Variants in ZPBP observed in about 807,000 individuals in gnomAD.
The protein encoded by ZPBP is zona pellucida binding protein.
In ZPBP, 26 loss-of-function variants were observed where a neutral mutation model predicts 44.8. The ratio of observed to expected loss-of-function variants is 0.58; its 90% CI spans 0.43 to 0.81. ZPBP has a LOEUF of 0.81. Among genes scored for constraint, ZPBP ranks in the 30% least tolerant of loss-of-function variants. The pLI is 0.00. For missense variants in ZPBP, 409 were observed against 434.0 expected, an observed-to-expected ratio of 0.94 and a Z score of 0.51; for synonymous variants, 174 against 153.2, an observed-to-expected ratio of 1.14 and a Z score of -1.00.
chr7:50,057,883 A>G (rs1801043956), intron 4 of ZPBP, 106 bp downstream of exon 4: 1 of 1,083,150 alleles, frequency 9.2e-7, no homozygotes, highest in Non-Finnish European at 1.3e-6. Flanking sequence ...TTTTAATTAA[A>G]TGAGACTAAA....
chr7:49,966,158 C>T (rs976123699), intron 7 of ZPBP, among the ~76,000 whole-genome samples: 1 of 152,098 alleles, frequency 6.6e-6, no homozygotes, highest in African/African-American at 2.4e-5. Context: ...GAAACAGACA[C>T]TTCCATAATT....
chr7:49,885,651 T>A (rs181033073), intron 2 of ZPBP, among the ~76,000 whole-genome samples: 3 of 152,356 alleles, frequency 2.0e-5, no homozygotes, highest in Admixed American at 1.3e-4. Context: ...ATTCTGAAAG[T>A]TCTACCTAGT....
intron 6 of ZPBP, among the ~76,000 whole-genome samples, chr7:50,017,927 C>A (rs986190622): frequency 2.6e-5 from 4 of 151,926 alleles, no homozygotes; most frequent in Non-Finnish European, 4.4e-5. Context: ...TTATGATGGA[C>A]AATGGTAACA....
At chr7:50,068,546 A>G (rs939507320) in intron 3 of ZPBP, among the ~76,000 whole-genome samples, 1 of 151,892 alleles carries the variant, frequency 6.6e-6, no homozygotes, top group Non-Finnish European at 1.5e-5. Flanking sequence ...TCCTGTCCAG[A>G]CTAGCTTTTT....
intron 1 of ZPBP, among the ~76,000 whole-genome samples, chr7:49,906,792 C>A (rs1793120871): frequency 1.3e-5 from 2 of 152,082 alleles, no homozygotes; most frequent in African/African-American, 4.8e-5. Context: ...TAAATTGTTG[C>A]TTTCTGCCTC....
chr7:49,917,296 C>A (rs1793773599), intron 1 of ZPBP: 1 of 152,112 alleles, frequency 6.6e-6, no homozygotes, highest in Non-Finnish European at 1.5e-5. Flanking sequence ...GCTATTCTAG[C>A]CTTAACACAA....
chr7:49,931,274 T>C (rs184122506), intron 1 of ZPBP, among the ~76,000 whole-genome samples: 2 of 152,214 alleles, frequency 1.3e-5, no homozygotes, highest in African/African-American at 4.8e-5. Flanking sequence ...CGTGGAAGCT[T>C]TGGAACTAGG....
At chr7:50,089,370 A>G (rs1371606527) in intron 2 of ZPBP, among the ~76,000 whole-genome samples, 2 of 152,074 alleles carry the variant, frequency 1.3e-5, no homozygotes, top group African/African-American at 4.8e-5. Context: ...GCTAATTATT[A>G]TATAATAAAA....
chr7:49,951,322 C>A (rs750193920), intron 7 of ZPBP, among the ~76,000 whole-genome samples: 9 of 151,532 alleles, frequency 5.9e-5, no homozygotes, highest in Non-Finnish European at 1.0e-4. Flanking sequence ...TGCTGAGAAT[C>A]TAATATATAG....
intron 2 of ZPBP, among the ~76,000 whole-genome samples, chr7:49,885,783 C>T (rs1032096548): frequency 9.9e-5 from 15 of 152,146 alleles, no homozygotes; most frequent in Non-Finnish European, 8.8e-5. Context: ...CAGGTGCTTG[C>T]GGCCTGGACC....
chr7:50,060,533 T>C (rs7793348), intron 3 of ZPBP, among the ~76,000 whole-genome samples: 148,990 of 152,274 alleles, frequency 0.98, 72,901 homozygotes, highest in East Asian at 1. Context: ...ATTACAAATA[T>C]GTCCATGCCC....
intron 3 of ZPBP, among the ~76,000 whole-genome samples, chr7:50,072,009 A>T (rs1421423505): frequency 6.6e-6 from 1 of 152,206 alleles, no homozygotes; most frequent in Non-Finnish European, 1.5e-5. Context: ...ACTAAAGGGC[A>T]CTTTGTCTTA....
At chr7:49,931,924 G>A (rs1190907069) in intron 1 of ZPBP, among the ~76,000 whole-genome samples, 1 of 152,224 alleles carries the variant, frequency 6.6e-6, no homozygotes, top group African/African-American at 2.4e-5. Context: ...GCTAAACAGG[G>A]CCAATGTACA....
chr7:50,062,488 T>C (rs943203475), intron 3 of ZPBP, among the ~76,000 whole-genome samples: 4 of 152,108 alleles, frequency 2.6e-5, no homozygotes, highest in Admixed American at 6.5e-5. Flanking sequence ...CATAGACTAA[T>C]GGAACAGAAT....
chr7:49,880,082 G>A (rs1018224684), intron 2 of ZPBP, among the ~76,000 whole-genome samples: 18 of 152,066 alleles, frequency 1.2e-4, no homozygotes, highest in African/African-American at 3.6e-4. Flanking sequence ...ATCATGATTT[G>A]GAATAATAAC....
downstream of ZPBP, among the ~76,000 whole-genome samples, chr7:49,933,036 C>T (rs1216815765): frequency 6.6e-6 from 1 of 152,078 alleles, no homozygotes; most frequent in Non-Finnish European, 1.5e-5. Flanking sequence ...TTGGGCATGT[C>T]TTTATTAGCA....
At chr7:50,027,381 C>CA (rs1188596448) in intron 5 of ZPBP, among the ~76,000 whole-genome samples, 1 of 151,528 alleles carries the variant, frequency 6.6e-6, no homozygotes, top group African/African-American at 2.4e-5. Context: ...ACAAACAGGT[C>CA]AAAAAAATTA....
intron 6 of ZPBP, among the ~76,000 whole-genome samples, chr7:49,998,368 G>A (rs1470759057): frequency 2.0e-5 from 3 of 152,150 alleles, no homozygotes; most frequent in South Asian, 2.1e-4. Context: ...CACCTGGAAC[G>A]TCTGAAGCCA....
At chr7:49,996,796 C>A (rs1262958732) in intron 6 of ZPBP, among the ~76,000 whole-genome samples, 1 of 152,204 alleles carries the variant, frequency 6.6e-6, no homozygotes, top group Non-Finnish European at 1.5e-5. Flanking sequence ...TCTAGGAACA[C>A]CATCATTAAC....
Sources: gnomAD v4.1 joint callset for allele counts (sites outside exome capture counted in the v4.1 genomes callset) on GRCh38, gnomAD v4.1.1 for gene constraint, MANE v1.5 for transcripts, NCBI Gene and HGNC (gene_info 2026-07-23, HGNC 2026-07-21) for gene names.